Variants in BAZ2B observed in about 807,000 individuals in gnomAD.
BAZ2B encodes the protein bromodomain adjacent to zinc finger domain 2B, also known as bromodomain adjacent to zinc finger domain protein 2B.
Under a neutral mutation model 246.0 loss-of-function variants are expected in BAZ2B, and 91 were observed. That is an observed-to-expected ratio of 0.37 (90% CI 0.31 to 0.44). The LOEUF (loss-of-function observed/expected upper bound fraction) is 0.44, where lower values mean the gene tolerates loss of function less well. Among genes scored for constraint, BAZ2B ranks in the 20% least tolerant of loss-of-function variants. BAZ2B has a pLI of 1.00. For synonymous variants in BAZ2B, 855 were observed against 860.0 expected, an observed-to-expected ratio of 0.99 and a Z score of 0.10; for missense variants, 2,332 against 2,533.7, an observed-to-expected ratio of 0.92 and a Z score of 1.71.
chr2:159,336,012 T>C (rs1272685889), intron 33 of BAZ2B, among the ~76,000 whole-genome samples: 1 of 152,040 alleles, frequency 6.6e-6, no homozygotes, highest in East Asian at 1.9e-4. Flanking sequence ...AATACAAAAA[T>C]TAGCCGGGTA....
chr2:159,316,064 T>C (rs1257642427), downstream of BAZ2B, among the ~76,000 whole-genome samples: 1 of 152,170 alleles, frequency 6.6e-6, no homozygotes, highest in East Asian at 1.9e-4. Context: ...TTTCATATTA[T>C]ATAAAGAAAC....
chr2:159,325,108 ATATATATT>A, intron 35 of BAZ2B, among the ~76,000 whole-genome samples, 154 bp from the exon 36 acceptor site: 1 of 2,174 alleles, frequency 4.6e-4, no homozygotes, highest in African/African-American at 1.5e-3. Context: ...ATATATATAT[ATATATATT>A]TTATATATAT....
At chr2:159,519,538 T>C (rs2083885203) in intron 2 of BAZ2B, among the ~76,000 whole-genome samples, 1 of 151,874 alleles carries the variant, frequency 6.6e-6, no homozygotes, top group Non-Finnish European at 1.5e-5. Context: ...CCTCATATTC[T>C]ATTTTCTAAA....
chr2:159,481,639 C>T (rs2079241130), intron 2 of BAZ2B, among the ~76,000 whole-genome samples: 1 of 151,846 alleles, frequency 6.6e-6, no homozygotes, highest in African/African-American at 2.4e-5. Flanking sequence ...TTTTCTGATG[C>T]CCCAGAAGAG....
At chr2:159,531,519 T>C (rs1322419680) in intron 2 of BAZ2B, among the ~76,000 whole-genome samples, 7 of 152,298 alleles carry the variant, frequency 4.6e-5, no homozygotes, top group Middle Eastern at 3.4e-3. Flanking sequence ...ATGACAACTA[T>C]TTATCTACTT....
At chr2:159,695,265 C>A in the BAZ2B span, 3 of 152,078 alleles carry the variant, frequency 2.0e-5, no homozygotes. Context: ...GGTGCCTTGT[C>A]ATATATAGGA....
chr2:159,443,619 A>T (rs920255521), intron 6 of BAZ2B, among the ~76,000 whole-genome samples: 1 of 152,170 alleles, frequency 6.6e-6, no homozygotes, highest in Non-Finnish European at 1.5e-5. Flanking sequence ...GCTGAACCAC[A>T]TATCATCTGA....
intron 1 of BAZ2B, among the ~76,000 whole-genome samples, chr2:159,595,548 C>CTAAA (rs1690498819): frequency 2.0e-5 from 3 of 152,190 alleles, no homozygotes; most frequent in Admixed American, 2.0e-4. Flanking sequence ...TGCTAAAATG[C>CTAAA]TGGTATATGA....
At chr2:159,431,249 C>A (rs1357669146) in intron 9 of BAZ2B, 93 bp from the exon 10 acceptor site, 7 of 1,470,948 alleles carry the variant, frequency 4.8e-6, no homozygotes, top group Non-Finnish European at 4.5e-6. Flanking sequence ...GGAACCAGCA[C>A]CTGTGAATGA....
At chr2:159,497,301 T>C (rs2081266302) in intron 2 of BAZ2B, among the ~76,000 whole-genome samples, 1 of 152,190 alleles carries the variant, frequency 6.6e-6, no homozygotes, top group African/African-American at 2.4e-5. Context: ...TTTTAAATGA[T>C]GACAGTTTTC....
chr2:159,357,403 G>A (rs11888668), intron 27 of BAZ2B, among the ~76,000 whole-genome samples: 1,972 of 151,916 alleles, frequency 0.013, 48 homozygotes, highest in East Asian at 0.07. Context: ...GAAATAAAGC[G>A]TGAAGACAAG....
At chr2:159,658,720 T>A in the BAZ2B span, among the ~76,000 whole-genome samples, 2 of 152,166 alleles carry the variant, frequency 1.3e-5, no homozygotes, top group African/African-American at 2.4e-5. Flanking sequence ...AGTTTTACCA[T>A]GTTGCCCAGG....
At chr2:159,491,769 A>G (rs2080530981) in intron 2 of BAZ2B, among the ~76,000 whole-genome samples, 2 of 148,166 alleles carry the variant, frequency 1.3e-5, no homozygotes, top group East Asian at 2.0e-4. Context: ...AGGTTATAGC[A>G]TTTTAGAGCT....
chr2:159,666,462 T>C, the BAZ2B span, among the ~76,000 whole-genome samples: 4 of 152,226 alleles, frequency 2.6e-5, no homozygotes, highest in South Asian at 4.1e-4. Context: ...GGTTTCACCA[T>C]GTTGCCCAGG....
the BAZ2B span, among the ~76,000 whole-genome samples, chr2:159,654,195 T>C: frequency 6.6e-6 from 1 of 152,178 alleles, no homozygotes; most frequent in Non-Finnish European, 1.5e-5. Context: ...GTTTCCCAAC[T>C]GCACGGAGTA....
intron 4 of BAZ2B, among the ~76,000 whole-genome samples, chr2:159,452,866 G>A (rs1054610524): frequency 3.9e-5 from 6 of 152,182 alleles, no homozygotes; most frequent in African/African-American, 1.4e-4. Flanking sequence ...CTGTGAGGCC[G>A]AGGTGGGCGG....
chr2:159,355,234 C>T (rs1449143911), intron 27 of BAZ2B, among the ~76,000 whole-genome samples: 2 of 152,116 alleles, frequency 1.3e-5, no homozygotes, highest in Non-Finnish European at 2.9e-5. Flanking sequence ...GTTCAAGCAC[C>T]CCTACCCACT....
intron 3 of BAZ2B, among the ~76,000 whole-genome samples, chr2:159,468,671 A>C (rs10170119): frequency 0.13 from 19,309 of 152,210 alleles, 1,471 homozygotes; most frequent in African/African-American, 0.22. Context: ...AGCAGTAATT[A>C]CAAGGGAAAT....
At chr2:159,475,037 G>C (rs2078336286) in intron 3 of BAZ2B, among the ~76,000 whole-genome samples, 1 of 152,004 alleles carries the variant, frequency 6.6e-6, no homozygotes, top group Non-Finnish European at 1.5e-5. Flanking sequence ...CTGTGTCTTG[G>C]GGTTGCTTTT....
Sources: gnomAD v4.1 joint callset for allele counts (sites outside exome capture counted in the v4.1 genomes callset) on GRCh38, gnomAD v4.1.1 for gene constraint, MANE v1.5 for transcripts, NCBI Gene and HGNC (gene_info 2026-07-23, HGNC 2026-07-21) for gene names.